SMPD4: variants seen among roughly 807,000 people sequenced by gnomAD.
The protein encoded by SMPD4 is sphingomyelin phosphodiesterase 4.
In SMPD4, 58 loss-of-function variants were observed where a neutral mutation model predicts 97.8. The observed-to-expected ratio is 0.59, with a 90% CI of 0.48 to 0.74. The LOEUF is 0.74. Ranked by LOEUF, SMPD4 falls within the 30% of genes least tolerant of loss-of-function variation. The probability of loss-of-function intolerance (pLI) is 0.00; values close to 1 mark genes in which losing one functional copy is unlikely to be tolerated. For synonymous variants in SMPD4, 388 were observed against 450.0 expected (o/e 0.86, Z 1.74); for missense variants, 853 against 1,080.5 (o/e 0.79, Z 2.95).
Position 130,161,249 on chromosome 2 carries a change from G to A in SMPD4, c.888C>T (p.Leu296=). Residue 296 remains leucine (L), a synonymous_variant, in exon 11 of 20, where the codon CTC becomes CTT. Transcript: ENST00000680298. ...HAKLEVLHYR[L]SVSSALYSPA... ...GGCTGTAGAGGGCGCTGGAGACACT[G>A]AGTCGGTAGTGCAGAACCTCCAGCT... The A allele has an allele frequency of 1.9e-6, 3 of 1,614,072 alleles. No individual in the cohort carries two copies. In the South Asian group the frequency reaches 3.3e-5, roughly 18 times the overall value.
chr2:130,172,721 C>T (rs1335323445), intron 6 of SMPD4, 44 bp from the exon 7 acceptor site: 3 of 1,613,706 alleles, frequency 1.9e-6, no homozygotes, highest in Non-Finnish European at 2.5e-6. Flanking sequence ...TGATGAGCCA[C>T]CCCCCGCTCA....
chr2:130,171,124 TAATTTCTTTTC>T (rs965103672), intron 8 of SMPD4, among the ~76,000 whole-genome samples: 40 of 128,142 alleles, frequency 3.1e-4, no homozygotes, highest in African/African-American at 1.5e-3. Context: ...CATATATATA[TAATTTCTTTTC>T]TTTTTTTTTT....
chr2:130,179,396 C>T (rs771875374), intron 1 of SMPD4, among the ~76,000 whole-genome samples: 1 of 152,042 alleles, frequency 6.6e-6, no homozygotes, highest in African/African-American at 2.4e-5. Context: ...GATGGGCTTA[C>T]AGGCATGACC....
intron 3 of SMPD4, among the ~76,000 whole-genome samples, chr2:130,174,510 T>C (rs961036214): frequency 3.9e-5 from 6 of 152,252 alleles, no homozygotes; most frequent in Admixed American, 6.5e-5. Flanking sequence ...TTTTAGTATT[T>C]ACATCAGGGT....
At chr2:130,178,535 C>T (rs373490399) in intron 1 of SMPD4, among the ~76,000 whole-genome samples, 4 of 152,306 alleles carry the variant, frequency 2.6e-5, no homozygotes, top group East Asian at 3.9e-4. Context: ...TGGCTCACAC[C>T]TGTAATCCCA....
chr2:130,181,659 T>C (rs1210105568), upstream of SMPD4: 1 of 1,551,204 alleles, frequency 6.4e-7, no homozygotes, highest in Non-Finnish European at 8.7e-7. Flanking sequence ...TCCACCTCTT[T>C]GGGCCGTTAC....
chr2:130,167,687 C>G, intron 8 of SMPD4, 97 bp from the exon 9 acceptor site: 2 of 1,379,126 alleles, frequency 1.5e-6, no homozygotes, highest in South Asian at 2.8e-5. Flanking sequence ...TCAACGAGAG[C>G]AGGGACAGAT....
chr2:130,181,714 G>A, upstream of SMPD4: 8 of 1,548,418 alleles, frequency 5.2e-6, no homozygotes, highest in Non-Finnish European at 7.0e-6. Flanking sequence ...GGGCGGGGAA[G>A]AGAAATGGCG....
chr2:130,181,569 C>T lies in SMPD4; in HGVS notation c.-85G>A. ...GCGTCGCTCGCCTCAGAGATGGAAGCCGCCATTCCGCCACGGCGCCGAAAG... is the reference window on the plus strand; with the variant it reads ...GCGTCGCTCGCCTCAGAGATGGAAGTCGCCATTCCGCCACGGCGCCGAAAG... On this transcript the variant is annotated 5_prime_UTR_variant, in exon 1 of 20. Coordinates refer to ENST00000680298, the MANE Select transcript of SMPD4 (RefSeq NM_017951.5). The T allele has an allele frequency of 6.2e-7, 1 of 1,606,614 alleles. No homozygotes were observed. The highest frequency in any genetic ancestry group is 8.5e-7 in the Non-Finnish European group (1 of 1,177,442).
rs1686797875 is a variant in SMPD4 at position 130,156,335 on chromosome 2, G to T, written c.1189-200C>A. ...CCAGGGTGGGCTTTTCCCAGCCCAGGGGGCAGAGTACTCCCTGGTCAGGTA... is the reference window on the plus strand; with the variant it reads ...CCAGGGTGGGCTTTTCCCAGCCCAGTGGGCAGAGTACTCCCTGGTCAGGTA... On this transcript the variant is annotated intron_variant, in intron 13 of 19. Transcript: ENST00000680298. 1.2e-5 allele frequency: 8 copies of T among 662,150 alleles called. No homozygotes were observed. The South Asian group carries it at 1.4e-4, about 11-fold the overall frequency. The allele number at this position is 662,150 out of a possible 1,614,324, so 41.0% of individuals were successfully genotyped here. A position where few individuals can be genotyped will look rare whatever the true frequency, so the allele number is the denominator to read the frequency against.
rs528501449 is a variant in SMPD4 at position 130,166,517 on chromosome 2, G to A, written c.792+941C>T. ...TACCATTCCACCCTGCGAGGATGCT[G>A]TGAAATGGTATGGAGGCTTCAAAAA... On this transcript the variant is annotated intron_variant, in intron 9 of 19. Coordinates refer to ENST00000680298, the MANE Select transcript of SMPD4 (RefSeq NM_017951.5). Among the ~76,000 whole-genome samples the A allele has an allele frequency of 3.3e-5, 5 of 152,254 alleles. No individual in the cohort carries two copies. The South Asian group carries it at 8.3e-4, about 25-fold the overall frequency.
chr2:130,153,848 A>C lies in SMPD4; in HGVS notation c.1747T>G (p.Ser583Ala). ...DQCAESPAGH[S>A]FLSWLGFSSM... ...CTAAAGCCCAGCCATGAGAGGAAGG[A>C]GTGGCCAGCCGGGCTCTCCGCACAC... Residue 583 changes from serine to alanine, a missense_variant, in exon 17 of 20, where the codon TCC becomes GCC. This residue lies in a region of SMPD4 where 511 missense variants were observed against 608.1 expected (regional missense o/e 0.84). Coordinates refer to ENST00000680298, the MANE Select transcript of SMPD4 (RefSeq NM_017951.5). 1 of 1,613,930 alleles carries C rather than the reference A, an allele frequency of 6.2e-7. No individual in the cohort carries two copies. The highest frequency in any genetic ancestry group is 8.5e-7 in the Non-Finnish European group (1 of 1,179,870).
intron 3 of SMPD4, among the ~76,000 whole-genome samples, chr2:130,174,073 T>A (rs1022629481): frequency 5.3e-5 from 8 of 152,188 alleles, no homozygotes; most frequent in African/African-American, 1.7e-4. Context: ...CTGGCTGGAG[T>A]GCAGTGGCGC....
intron 15 of SMPD4, 138 bp from the exon 16 acceptor site, chr2:130,154,620 G>C (rs397833888): frequency 8.3e-7 from 1 of 1,201,972 alleles, no homozygotes; most frequent in African/African-American, 1.5e-5. Context: ...CTGCCTGGCA[G>C]CATCTCCCAC....
intron 8 of SMPD4, among the ~76,000 whole-genome samples, chr2:130,169,530 G>T (rs1688238926): frequency 6.6e-6 from 1 of 151,590 alleles, no homozygotes; most frequent in Non-Finnish European, 1.5e-5. Flanking sequence ...AGTATTAACA[G>T]TTTGGAAATC....
At position 130,161,442 on chromosome 2, in the gene SMPD4, G is replaced by T. The variant is rs149744348; in HGVS notation, c.865-170C>A. Among the ~76,000 whole-genome samples the T allele has an allele frequency of 4.1e-3, 621 of 152,264 alleles. 2 individuals carry two copies. Among genetic ancestry groups the T allele is most frequent in the African/African-American group, 0.014 (589 of 41,544 alleles). On this transcript the variant is annotated intron_variant, in intron 10 of 19. Coordinates refer to ENST00000680298, the MANE Select transcript of SMPD4 (RefSeq NM_017951.5). Reference sequence around the variant, plus strand: ...GAGAAAAAAACAAAAACAAAGCACGGTCAGTGACAATCCAAACAATTGCAG... The same window carrying T: ...GAGAAAAAAACAAAAACAAAGCACGTTCAGTGACAATCCAAACAATTGCAG...
intron 2 of SMPD4, among the ~76,000 whole-genome samples, chr2:130,175,445 AAG>A (rs1440484924): frequency 6.6e-6 from 1 of 152,192 alleles, no homozygotes; most frequent in African/African-American, 2.4e-5. Context: ...GATCATCAGT[AAG>A]AACGCCCAAC....
chr2:130,164,137 C>T (rs570340201), intron 10 of SMPD4, among the ~76,000 whole-genome samples: 1 of 152,278 alleles, frequency 6.6e-6, no homozygotes, highest in African/African-American at 2.4e-5. Flanking sequence ...GGGAGGGCCC[C>T]GGAGAGGCCA....
chr2:130,168,653 G>A (rs1688157547), intron 8 of SMPD4, among the ~76,000 whole-genome samples: 1 of 151,170 alleles, frequency 6.6e-6, no homozygotes, highest in Admixed American at 6.6e-5. Flanking sequence ...ACACCACCAC[G>A]CCTGGCTGAT....
Sources: gnomAD v4.1 joint callset for allele counts (sites outside exome capture counted in the v4.1 genomes callset) on GRCh38, gnomAD v4.1.1 for gene constraint, gnomAD v4.1.1 regional missense constraint, MANE v1.5 for transcripts, NCBI Gene and HGNC (gene_info 2026-07-23, HGNC 2026-07-21) for gene names.